TENM3: variants seen among roughly 807,000 people sequenced by gnomAD.
TENM3 encodes the protein teneurin-3.
In TENM3, 63 loss-of-function variants were observed where a neutral mutation model predicts 255.1. The ratio of observed to expected loss-of-function variants is 0.25; its 90% confidence interval spans 0.20 to 0.30. TENM3 has a LOEUF of 0.30. Among genes scored for constraint, TENM3 ranks in the 10% least tolerant of loss-of-function variants. TENM3 has a pLI of 1.00. For missense variants in TENM3, 2,929 were observed against 3,461.1 expected, an observed-to-expected ratio of 0.85 and a Z score of 3.86; for synonymous variants, 1,306 against 1,322.3, an observed-to-expected ratio of 0.99 and a Z score of 0.27.
At chr4:182,356,963 C>A (rs1053695979) in intron 3 of TENM3, among the ~76,000 whole-genome samples, 3 of 148,542 alleles carry the variant, frequency 2.0e-5, no homozygotes, top group African/African-American at 2.5e-5. Context: ...TGAGAATATG[C>A]GGTGTTTGGT....
chr4:181,919,303 G>A, the TENM3 span, among the ~76,000 whole-genome samples: 1 of 151,782 alleles, frequency 6.6e-6, no homozygotes, highest in Non-Finnish European at 1.5e-5. Context: ...TGGCCAACTG[G>A]AACAGAAAGA....
chr4:182,424,384 G>A (rs184036213), intron 3 of TENM3, among the ~76,000 whole-genome samples: 236 of 151,968 alleles, frequency 1.6e-3, no homozygotes, highest in Admixed American at 5.2e-3. Flanking sequence ...TTCAGTTAAA[G>A]TCACTCTTTC....
At chr4:182,066,356 C>T in the TENM3 span, among the ~76,000 whole-genome samples, 1 of 152,054 alleles carries the variant, frequency 6.6e-6, no homozygotes, top group African/African-American at 2.4e-5. Context: ...TAGCATACTG[C>T]AAAGAAAATA....
intron 1 of TENM3, among the ~76,000 whole-genome samples, chr4:182,267,054 AAACTC>A (rs1759290360): frequency 6.6e-6 from 1 of 152,224 alleles, no homozygotes; most frequent in South Asian, 2.1e-4. Flanking sequence ...AAAACTTTCA[AAACTC>A]TCATAGAAAA....
At chr4:181,871,527 TC>T in the TENM3 span, among the ~76,000 whole-genome samples, 1 of 152,096 alleles carries the variant, frequency 6.6e-6, no homozygotes, top group South Asian at 2.1e-4. Flanking sequence ...CTTCATCTTT[TC>T]CAAACTTTAT....
At chr4:182,791,448 T>C (rs954129980) in intron 25 of TENM3, among the ~76,000 whole-genome samples, 1 of 152,238 alleles carries the variant, frequency 6.6e-6, no homozygotes, top group East Asian at 1.9e-4. Context: ...CTAGTAACTG[T>C]CATTTGTCTT....
chr4:182,233,408 T>A (rs927967231), intron 1 of TENM3, among the ~76,000 whole-genome samples: 8 of 152,208 alleles, frequency 5.3e-5, no homozygotes, highest in African/African-American at 1.7e-4. Context: ...ATGCTACAAT[T>A]TCAGTGGGAA....
the TENM3 span, among the ~76,000 whole-genome samples, chr4:181,955,331 C>T: frequency 6.6e-6 from 1 of 152,114 alleles, no homozygotes; most frequent in African/African-American, 2.4e-5. Context: ...CTTGCCCTTC[C>T]CTAGCACTGC....
rs11283401 is a variant in TENM3 at position 182,298,984 on chromosome 4, CAAAAAAAAAAAAAAA to C, written c.-75-24944_-75-24930del. 1.1e-3 allele frequency among the ~76,000 whole-genome samples: 29 copies of C among 25,562 alleles called. 1 individual carries two copies. In the East Asian group the frequency reaches 0.041, roughly 36 times the overall value. 16.8% of individuals were successfully genotyped at this position (25,562 alleles called of 152,430 possible). A position where few individuals can be genotyped will look rare whatever the true frequency, so the allele number is the denominator to read the frequency against. ...TGGGCAACAGAGCAAGACTCCTTCT[CAAAAAAAAAAAAAAA>C]AAAAAAAAAAAAAAAAAGAGGTAAT... On this transcript the variant is annotated intron_variant, in intron 1 of 27. Transcript: ENST00000511685.
chr4:181,909,974 A>G, the TENM3 span, among the ~76,000 whole-genome samples: 1 of 152,180 alleles, frequency 6.6e-6, no homozygotes. Flanking sequence ...AGTTTTTTAA[A>G]CAAATGTATA....
chr4:182,247,241 A>G (rs1232402632), intron 1 of TENM3, among the ~76,000 whole-genome samples: 2 of 152,200 alleles, frequency 1.3e-5, no homozygotes, highest in Non-Finnish European at 2.9e-5. Flanking sequence ...GGTGGATACC[A>G]GAATGGTGAG....
chr4:182,086,510 TAGA>T, the TENM3 span, among the ~76,000 whole-genome samples: 1 of 152,198 alleles, frequency 6.6e-6, no homozygotes, highest in Admixed American at 6.5e-5. Flanking sequence ...GAAGCTACGA[TAGA>T]AGAAGAGAAA....
At chr4:181,835,915 G>A in the TENM3 span, among the ~76,000 whole-genome samples, 1 of 152,042 alleles carries the variant, frequency 6.6e-6, no homozygotes, top group Non-Finnish European at 1.5e-5. Context: ...CTACTTTCAG[G>A]AATCTATTCT....
chr4:182,645,778 G>C (rs541965981), intron 5 of TENM3, among the ~76,000 whole-genome samples: 3 of 152,128 alleles, frequency 2.0e-5, no homozygotes, highest in East Asian at 3.9e-4. Flanking sequence ...AAGAGAGAGA[G>C]AACAACCAAA....
chr4:181,841,167 C>T, the TENM3 span, among the ~76,000 whole-genome samples: 6 of 152,004 alleles, frequency 3.9e-5, no homozygotes, highest in African/African-American at 1.4e-4. Context: ...AGTTGAATAT[C>T]TTTGTCTGTA....
the TENM3 span, among the ~76,000 whole-genome samples, chr4:181,784,640 A>G: frequency 6.6e-6 from 1 of 152,064 alleles, no homozygotes. Flanking sequence ...TTAATCTCTC[A>G]AAAAAAGTGT....
chr4:181,667,714 C>G, the TENM3 span, among the ~76,000 whole-genome samples: 1 of 152,144 alleles, frequency 6.6e-6, no homozygotes, highest in Admixed American at 6.6e-5. Flanking sequence ...GAACCAAGAG[C>G]CAATACATTT....
At chr4:182,372,967 C>T (rs1034405921) in intron 3 of TENM3, among the ~76,000 whole-genome samples, 1 of 152,024 alleles carries the variant, frequency 6.6e-6, no homozygotes, top group African/African-American at 2.4e-5. Flanking sequence ...CTCAAACTCC[C>T]GAACTCAAGC....
At chr4:182,071,159 A>T in the TENM3 span, among the ~76,000 whole-genome samples, 1 of 152,220 alleles carries the variant, frequency 6.6e-6, no homozygotes, top group Non-Finnish European at 1.5e-5. Context: ...GACTATGGAT[A>T]TATTCATATA....
Sources: gnomAD v4.1 joint callset for allele counts (sites outside exome capture counted in the v4.1 genomes callset) on GRCh38, gnomAD v4.1.1 for gene constraint, MANE v1.5 for transcripts, NCBI Gene and HGNC (gene_info 2026-07-23, HGNC 2026-07-21) for gene names.